Variants in NEK6 observed in about 807,000 individuals in gnomAD.
NEK6 encodes the protein serine/threonine-protein kinase Nek6.
NEK6 carries 27 observed loss-of-function variants against 43.5 expected under a neutral mutation model. The ratio of observed to expected loss-of-function variants is 0.62; its 90% CI spans 0.46 to 0.86. The LOEUF (loss-of-function observed/expected upper bound fraction) is 0.86, where lower values mean the gene tolerates loss of function less well. Ranked by LOEUF, NEK6 falls within the 40% of genes least tolerant of loss-of-function variation. The pLI, the probability that NEK6 is intolerant of heterozygous loss-of-function variation, is 0.00. For synonymous variants in NEK6, 167 were observed against 164.1 expected, an observed-to-expected ratio of 1.02 and a Z score of -0.14; for missense variants, 318 against 414.4, an observed-to-expected ratio of 0.77 and a Z score of 2.02.
intron 9 of NEK6, among the ~76,000 whole-genome samples, chr9:124,349,860 C>T (rs1434937475): frequency 6.6e-6 from 1 of 152,218 alleles, no homozygotes; most frequent in Non-Finnish European, 1.5e-5. Context: ...CTGGGCTTCT[C>T]GGTTGTAAGG....
At chr9:124,308,650 C>CT (rs1554850807) in intron 2 of NEK6, among the ~76,000 whole-genome samples, 27 of 142,162 alleles carry the variant, frequency 1.9e-4, no homozygotes, top group African/African-American at 6.7e-4. Flanking sequence ...GAGCAAAACT[C>CT]TATCTCAAAA....
At chr9:124,301,898 C>T in intron 1 of NEK6, 38 bp from the exon 2 acceptor site, 1 of 1,506,202 alleles carries the variant, frequency 6.6e-7, no homozygotes. Flanking sequence ...CTGAGGGTCT[C>T]AAAGAGAAAG....
intron 1 of NEK6, among the ~76,000 whole-genome samples, chr9:124,270,374 C>A (rs575062858): frequency 6.6e-6 from 1 of 152,232 alleles, no homozygotes; most frequent in South Asian, 2.1e-4. Flanking sequence ...TGGTGTCTTC[C>A]CATTCTGCAG....
rs1170004496 is a variant in NEK6 at position 124,352,037 on chromosome 9, C to CCAAA, written c.*1093_*1096dup. 4.6e-5 allele frequency: 7 copies of CCAAA among 152,600 alleles called. No individual in the cohort carries two copies. Among genetic ancestry groups the CCAAA allele is most frequent in the African/African-American group, 1.4e-4 (6 of 41,428 alleles). The allele number at this position is 152,600 out of a possible 1,614,324, so 9.5% of individuals were successfully genotyped here. On this transcript the variant is annotated 3_prime_UTR_variant, in exon 10 of 10. Transcript: ENST00000320246. ...GAAATGTGTTCCTTATTTCTTGTTC[C>CCAAA]CAAACAGGATTAACTGTGAAGACTA...
At chr9:124,331,421 G>A (rs529943270) in intron 7 of NEK6, among the ~76,000 whole-genome samples, 2 of 152,042 alleles carry the variant, frequency 1.3e-5, no homozygotes, top group Admixed American at 6.5e-5. Flanking sequence ...AGCCCCACGG[G>A]AAATCAGCTC....
intron 1 of NEK6, among the ~76,000 whole-genome samples, chr9:124,284,511 A>G (rs898168518): frequency 6.6e-6 from 1 of 152,212 alleles, no homozygotes; most frequent in African/African-American, 2.4e-5. Context: ...TGATTATCCA[A>G]TGTTGACCCA....
intron 1 of NEK6, among the ~76,000 whole-genome samples, chr9:124,285,278 G>C (rs10986302): frequency 6.6e-6 from 1 of 152,128 alleles, no homozygotes; most frequent in Non-Finnish European, 1.5e-5. Flanking sequence ...TCTGCTTGTC[G>C]CGTTGGTAGC....
chr9:124,281,487 CT>C (rs759381068), intron 1 of NEK6, among the ~76,000 whole-genome samples: 1,801 of 102,930 alleles, frequency 0.017, 54 homozygotes, highest in African/African-American at 0.061. Flanking sequence ...GCTGTTTTTT[CT>C]TTTTTTTTTT....
At chr9:124,267,568 G>A (rs993081009) in intron 1 of NEK6, among the ~76,000 whole-genome samples, 1 of 152,222 alleles carries the variant, frequency 6.6e-6, no homozygotes, top group Non-Finnish European at 1.5e-5. Context: ...TGTGGGAGCC[G>A]CCTGCTCTTG....
chr9:124,281,305 G>A (rs1831892750), intron 1 of NEK6, among the ~76,000 whole-genome samples: 1 of 152,080 alleles, frequency 6.6e-6, no homozygotes, highest in South Asian at 2.1e-4. Context: ...GAGGAGGCCG[G>A]CCATGCTTCT....
chr9:124,296,588 C>T (rs1344366252), intron 1 of NEK6, among the ~76,000 whole-genome samples: 1 of 152,214 alleles, frequency 6.6e-6, no homozygotes, highest in Admixed American at 6.5e-5. Flanking sequence ...CACACCGTTA[C>T]CACCTCCAGG....
intron 1 of NEK6, among the ~76,000 whole-genome samples, chr9:124,296,126 A>C (rs896919518): frequency 6.6e-6 from 1 of 152,230 alleles, no homozygotes; most frequent in African/African-American, 2.4e-5. Context: ...GGCTGGCTGA[A>C]GGCCCCAGGC....
At chr9:124,305,468 C>T (rs1336169174) in intron 2 of NEK6, among the ~76,000 whole-genome samples, 2 of 151,128 alleles carry the variant, frequency 1.3e-5, no homozygotes, top group African/African-American at 2.4e-5. Flanking sequence ...GCATGAGAAT[C>T]GCTTCAACCT....
At chr9:124,290,092 G>A (rs544149043) in intron 1 of NEK6, among the ~76,000 whole-genome samples, 3 of 152,358 alleles carry the variant, frequency 2.0e-5, no homozygotes, top group East Asian at 3.9e-4. Flanking sequence ...CGCCAGCCCC[G>A]TCACACCGTA....
intron 1 of NEK6, among the ~76,000 whole-genome samples, chr9:124,265,278 C>T (rs546533892): frequency 1.3e-5 from 2 of 152,172 alleles, no homozygotes; most frequent in African/African-American, 4.8e-5. Flanking sequence ...AATCCCAGCA[C>T]TTTGGGAGGC....
chr9:124,341,062 G>A (rs1212257224), intron 8 of NEK6, among the ~76,000 whole-genome samples: 1 of 152,096 alleles, frequency 6.6e-6, no homozygotes, highest in Non-Finnish European at 1.5e-5. Flanking sequence ...GTTTTTTTGA[G>A]ACAGAGTCTC....
At chr9:124,281,417 C>T (rs1037946688) in intron 1 of NEK6, among the ~76,000 whole-genome samples, 5 of 150,922 alleles carry the variant, frequency 3.3e-5, no homozygotes, top group East Asian at 2.0e-4. Context: ...AAGTCTTCCG[C>T]GGACCCACGG....
rs1165195351 is a variant in NEK6 at position 124,324,071 on chromosome 9, A to G, written c.406-2259A>G. ...TCCCTGCCTGCTCCCGTTCCCTCCA[A>G]CCCGGCTCAGGGGCCCTCACCTGCA... On this transcript the variant is annotated intron_variant, in intron 5 of 9. Transcript: ENST00000320246. The surrounding 1 kb of genome is among the most constrained non-coding windows in gnomAD (Gnocchi z 5.3). Among the ~76,000 whole-genome samples, 2 of 149,626 alleles carry G rather than the reference A, an allele frequency of 1.3e-5. No homozygotes were observed. The highest frequency in any genetic ancestry group is 2.2e-4 in the South Asian group (1 of 4,610).
intron 1 of NEK6, among the ~76,000 whole-genome samples, chr9:124,263,345 A>C (rs1588431622): frequency 6.6e-6 from 1 of 152,194 alleles, no homozygotes. Context: ...GCGCTCCCCC[A>C]CAGCCGCATT....
Sources: allele counts gnomAD v4.1 joint callset (sites outside exome capture counted in the v4.1 genomes callset), GRCh38; gene constraint gnomAD v4.1.1; non-coding constraint Gnocchi (gnomAD v3.1); transcripts MANE v1.5; gene names NCBI Gene and HGNC (gene_info 2026-07-23, HGNC 2026-07-21).